Variants in PRCP observed in about 807,000 individuals in gnomAD.
The protein encoded by PRCP is lysosomal Pro-X carboxypeptidase.
PRCP carries 46 observed loss-of-function variants against 54.2 expected under a neutral mutation model. The observed-to-expected ratio is 0.85, with a 90% confidence interval of 0.67 to 1.09. The LOEUF (loss-of-function observed/expected upper bound fraction) is 1.09. Ranked by LOEUF, PRCP falls within the 50% of genes least tolerant of loss-of-function variation. The pLI is 0.00. For missense variants in PRCP, 613 were observed against 596.8 expected (o/e 1.03, Z -0.28); for synonymous variants, 240 against 212.2 (o/e 1.13, Z -1.14).
intron 1 of PRCP, among the ~76,000 whole-genome samples, chr11:82,869,428 G>A (rs1000087398): frequency 5.3e-5 from 8 of 150,900 alleles, no homozygotes; most frequent in East Asian, 3.9e-4. Flanking sequence ...GAAAGAAAGC[G>A]GTATAGAGAG....
chr11:82,892,009 G>T (rs2121274818), intron 1 of PRCP, among the ~76,000 whole-genome samples: 1 of 152,224 alleles, frequency 6.6e-6, no homozygotes, highest in Middle Eastern at 3.4e-3. Context: ...TTCTTCCTTT[G>T]ATATTTGTGA....
At chr11:82,843,023 C>T in intron 6 of PRCP, among the ~76,000 whole-genome samples, 1 of 152,192 alleles carries the variant, frequency 6.6e-6, no homozygotes, top group East Asian at 1.9e-4. Context: ...ACTAGAGTAA[C>T]TCAATGCCAG....
At chr11:82,892,065 C>T (rs1369602214) in intron 1 of PRCP, among the ~76,000 whole-genome samples, 1 of 152,112 alleles carries the variant, frequency 6.6e-6, no homozygotes, top group Non-Finnish European at 1.5e-5. Flanking sequence ...AGAATATGTA[C>T]CTCACAGGAT....
chr11:82,826,660 A>G lies in PRCP; in HGVS notation c.1275-1538T>C, dbSNP rs1210924503. 4 of 152,350 alleles carry G rather than the reference A, an allele frequency of 2.6e-5. No individual in the cohort carries two copies. The East Asian group carries it at 5.8e-4, about 22-fold the overall frequency. 9.4% of individuals were successfully genotyped at this position (152,350 alleles called of 1,614,324 possible). On this transcript the variant is annotated intron_variant, in intron 8 of 8. Transcript: ENST00000313010. ...GACATCCTAAGCTAGTAAGTATTAA[A>G]TGGTATTTCACTGTGGTTTTAATTT... is the stretch of plus-strand genomic sequence containing the variant.
At chr11:82,835,108 T>A in intron 8 of PRCP, among the ~76,000 whole-genome samples, 1 of 152,136 alleles carries the variant, frequency 6.6e-6, no homozygotes, top group Non-Finnish European at 1.5e-5. Context: ...ATTTAACATC[T>A]AGGTGATGGG....
intron 1 of PRCP, among the ~76,000 whole-genome samples, chr11:82,895,903 G>C (rs994159402): frequency 2.0e-5 from 3 of 152,180 alleles, no homozygotes; most frequent in Non-Finnish European, 4.4e-5. Context: ...TTAGCCCACT[G>C]ATGTGATCCC....
At position 82,896,678 on chromosome 11, in the gene PRCP, CAAAAAAAAAAA is replaced by C. The variant is rs68047129; in HGVS notation, c.168+3546_168+3556del. On this transcript the variant is annotated intron_variant, in intron 1 of 8. Transcript: ENST00000313010. ...TGGGCAACAGAGCGAGACTCCAACTCAAAAAAAAAAAAAAAAAAAAAAAAGACTGACTTCCC... is the reference window on the plus strand; with the variant it reads ...TGGGCAACAGAGCGAGACTCCAACTCAAAAAAAAAAAAAGACTGACTTCCC... Among the ~76,000 whole-genome samples, 4 of 55,682 alleles carry C rather than the reference CAAAAAAAAAAA, an allele frequency of 7.2e-5. 1 individual carries two copies. Among genetic ancestry groups the C allele is most frequent in the Middle Eastern group, 0.019 (2 of 104 alleles). 36.5% of individuals were successfully genotyped at this position (55,682 alleles called of 152,430 possible). A position where few individuals can be genotyped will look rare whatever the true frequency, so the allele number is the denominator to read the frequency against.
At chr11:82,869,047 A>G (rs1324600549) in intron 1 of PRCP, among the ~76,000 whole-genome samples, 1 of 151,904 alleles carries the variant, frequency 6.6e-6, no homozygotes, top group Admixed American at 6.6e-5. Context: ...AAAAATAAAT[A>G]AATAAATAAG....
At chr11:82,884,047 C>A (rs1227511051) in intron 1 of PRCP, among the ~76,000 whole-genome samples, 1 of 152,166 alleles carries the variant, frequency 6.6e-6, no homozygotes, top group African/African-American at 2.4e-5. Flanking sequence ...GCAGAGATTT[C>A]CGACAGTTTT....
intron 1 of PRCP, among the ~76,000 whole-genome samples, chr11:82,898,074 T>C (rs1860158933): frequency 6.6e-6 from 1 of 152,208 alleles, no homozygotes; most frequent in South Asian, 2.1e-4. Flanking sequence ...AAATCAATGG[T>C]TCAGAAATTG....
intron 5 of PRCP, 121 bp downstream of exon 5, chr11:82,849,793 A>G: frequency 3.3e-6 from 3 of 915,430 alleles, no homozygotes; most frequent in Non-Finnish European, 4.4e-6. Context: ...TTTGATTTGT[A>G]TAATTTTCTG....
intron 2 of PRCP, among the ~76,000 whole-genome samples, chr11:82,855,493 C>A (rs1052957382): frequency 6.6e-6 from 1 of 152,108 alleles, no homozygotes; most frequent in African/African-American, 2.4e-5. Context: ...GTGGCGGGCA[C>A]CTGTAGTCCC....
chr11:82,877,382 G>A (rs538412704), intron 1 of PRCP, among the ~76,000 whole-genome samples: 172 of 152,232 alleles, frequency 1.1e-3, no homozygotes, highest in Non-Finnish European at 1.6e-3. Context: ...CCAAGACCAT[G>A]GGGAAAATGT....
intron 1 of PRCP, among the ~76,000 whole-genome samples, chr11:82,894,305 G>C (rs1860070293): frequency 6.6e-6 from 1 of 152,100 alleles, no homozygotes; most frequent in Non-Finnish European, 1.5e-5. Context: ...TTGAAGAGGT[G>C]ATTACTTTTT....
chr11:82,853,397 T>C (rs1859006619), intron 2 of PRCP, 119 bp from the exon 3 acceptor site: 8 of 630,882 alleles, frequency 1.3e-5, no homozygotes, highest in South Asian at 1.2e-4. Flanking sequence ...CTCTACAAAG[T>C]TGCACAATTT....
chr11:82,884,797 T>C (rs373025976), intron 1 of PRCP: 50 of 1,610,506 alleles, frequency 3.1e-5, no homozygotes, highest in Admixed American at 1.5e-4. Context: ...TTTTCTCAAA[T>C]GCAGAATGAA....
chr11:82,895,538 G>A (rs78330028), intron 1 of PRCP, among the ~76,000 whole-genome samples: 1 of 152,218 alleles, frequency 6.6e-6, no homozygotes, highest in African/African-American at 2.4e-5. Flanking sequence ...TTAGATCAAG[G>A]TCAATCCATC....
chr11:82,847,594 C>A (rs754122934), intron 6 of PRCP, among the ~76,000 whole-genome samples: 8 of 151,940 alleles, frequency 5.3e-5, no homozygotes, highest in African/African-American at 9.7e-5. Context: ...CATTTTGATC[C>A]AGGTTTTCTT....
chr11:82,833,868 C>A (rs1454246894), intron 8 of PRCP, among the ~76,000 whole-genome samples: 1 of 152,136 alleles, frequency 6.6e-6, no homozygotes, highest in African/African-American at 2.4e-5. Flanking sequence ...AAAGTCCTTT[C>A]TTACACTGAG....
Sources: allele counts gnomAD v4.1 joint callset (sites outside exome capture counted in the v4.1 genomes callset), GRCh38; gene constraint gnomAD v4.1.1; transcripts MANE v1.5; gene names NCBI Gene and HGNC (gene_info 2026-07-23, HGNC 2026-07-21).